The following CRNKL1 variants were observed in gnomAD, a reference collection of about 807,000 sequenced individuals.
CRNKL1 encodes the protein crooked neck pre-mRNA splicing factor 1, also known as crooked neck-like protein 1.
CRNKL1 carries 35 observed loss-of-function variants against 103.7 expected under a neutral mutation model. That is an observed-to-expected ratio of 0.34 (90% CI 0.26 to 0.45). The LOEUF (loss-of-function observed/expected upper bound fraction) is 0.45, where lower values mean the gene tolerates loss of function less well. Among genes scored for constraint, CRNKL1 ranks in the 20% least tolerant of loss-of-function variants. The pLI, the probability that CRNKL1 is intolerant of heterozygous loss-of-function variation, is 1.00. For synonymous variants in CRNKL1, 267 were observed against 282.6 expected (o/e 0.94, Z 0.55); for missense variants, 645 against 836.0 (o/e 0.77, Z 2.82).
chr20:20,046,070 T>C (rs66469477), intron 5 of CRNKL1, among the ~76,000 whole-genome samples: 23,889 of 152,136 alleles, frequency 0.16, 3,690 homozygotes, highest in East Asian at 0.6. Flanking sequence ...TTTTGAATTG[T>C]CATTTTAATC....
In CRNKL1 at chr20:20,034,561, C is replaced by G. The variant is rs2043388269; in HGVS notation, c.*1634G>C. On this transcript the variant is annotated 3_prime_UTR_variant, in exon 14 of 14. Transcript: ENST00000536226. ...ATTCATGCAACATAAACAGATAATT[C>G]TAGGAAGACTGTGATTAAGTCACTT... The G allele has an allele frequency of 6.6e-6, 1 of 150,690 alleles. No individual in the cohort carries two copies. The highest frequency in any genetic ancestry group is 2.4e-5 in the African/African-American group (1 of 41,198). The allele number at this position is 150,690 out of a possible 1,614,324, so 9.3% of individuals were successfully genotyped here. A position where few individuals can be genotyped will look rare whatever the true frequency, so the allele number is the denominator to read the frequency against.
intron 1 of CRNKL1, 25 bp downstream of exon 1, chr20:20,052,266 CT>C: frequency 1.3e-6 from 2 of 1,591,006 alleles, no homozygotes; most frequent in Non-Finnish European, 1.7e-6. Flanking sequence ...AGGCCACCTC[CT>C]ACAAGGCCCC....
At chr20:20,043,723 G>T in intron 6 of CRNKL1, 61 bp from the exon 7 acceptor site, 4 of 1,481,948 alleles carry the variant, frequency 2.7e-6, no homozygotes, top group Non-Finnish European at 3.7e-6. Context: ...GTCACAACTA[G>T]GAGAGTAAAT....
chr20:20,040,538 G>A, intron 10 of CRNKL1, 148 bp downstream of exon 10: 1 of 650,618 alleles, frequency 1.5e-6, no homozygotes. Context: ...TTTTACAGAG[G>A]ACGCATGTTT....
chr20:20,045,576 A>C, intron 5 of CRNKL1, 90 bp from the exon 6 acceptor site: 1 of 1,198,816 alleles, frequency 8.3e-7, no homozygotes, highest in Admixed American at 2.4e-5. Context: ...CAAAGCCTGG[A>C]AACTCCAAAA....
Position 20,036,216 on chromosome 20 carries a change from G to A in CRNKL1, c.2043C>T (p.Asp681=), listed in dbSNP as rs138573899. The change falls in exon 14 of 14, where the codon GAC becomes GAT. Residue 681 remains aspartate, a synonymous_variant. Coordinates refer to ENST00000536226, the MANE Select transcript of CRNKL1 (RefSeq NM_001278628.2). ...AAGATCAGGATTCACTCTCATCGAC[G>A]TCCTCATCTGGATGGTGCTCAGCAT... is the stretch of plus-strand genomic sequence containing the variant. ...KEDAEHHPDE[D]VDESES 1.2e-5 allele frequency: 20 copies of A among 1,613,900 alleles called. No homozygotes were observed. Among genetic ancestry groups the A allele is most frequent in the African/African-American group, 9.3e-5 (7 of 74,896 alleles).
Position 20,035,644 on chromosome 20 carries a change from A to G in CRNKL1, c.*551T>C, listed in dbSNP as rs1601138691. 6.6e-6 allele frequency: 1 copy of G among 152,306 alleles called. No homozygotes were observed. The highest frequency in any genetic ancestry group is 1.9e-4 in the East Asian group (1 of 5,194). The allele number at this position is 152,306 out of a possible 1,614,324, so 9.4% of individuals were successfully genotyped here. ...CGCATTCAATTCTACAAGGAATGAA[A>G]CCATTTTTAAAAGTGGCTTAGAACA... On this transcript the variant is annotated 3_prime_UTR_variant, in exon 14 of 14. Coordinates refer to ENST00000536226, the MANE Select transcript of CRNKL1 (RefSeq NM_001278628.2).
upstream of CRNKL1, chr20:20,052,578 G>T: frequency 6.2e-7 from 1 of 1,613,910 alleles, no homozygotes. Flanking sequence ...CGGCGTCCTG[G>T]AGCTGCGGAT....
At chr20:20,038,692 GT>G (rs2146483771) in intron 11 of CRNKL1, 1 of 362,322 alleles carries the variant, frequency 2.8e-6, no homozygotes, top group African/African-American at 2.1e-5. Context: ...CTCTTTGGAA[GT>G]TTTTCAAATG....
Position 20,039,628 on chromosome 20 carries a change from G to A in CRNKL1, c.1526C>T (p.Pro509Leu). 1 of 1,614,158 alleles carries A rather than the reference G, an allele frequency of 6.2e-7. No homozygotes were observed. Among genetic ancestry groups the A allele is most frequent in the East Asian group, 2.2e-5 (1 of 44,880 alleles). ...GCTCACCTCTGGCATGTCTAAACGTGGCTGACTGATGGCTAATTCATAGAT... is the reference window on the plus strand; with the variant it reads ...GCTCACCTCTGGCATGTCTAAACGTAGCTGACTGATGGCTAATTCATAGAT... Reference protein sequence around the residue: ...RAIYELAISQPRLDMPEVLWK... With the variant: ...RAIYELAISQLRLDMPEVLWK... The change falls in exon 11 of 14, where the codon CCA (proline) becomes CTA (leucine). Residue 509 changes from proline to leucine, a missense_variant. By Grantham distance (98) the Pro-to-Leu change is moderately conservative (BLOSUM62 -3). Around this residue, in one of 2 missense-constraint regions of CRNKL1, gnomAD observed 582 missense variants for 707.7 expected, o/e 0.82. Coordinates refer to ENST00000536226, the MANE Select transcript of CRNKL1 (RefSeq NM_001278628.2).
Position 20,035,839 on chromosome 20 carries a change from T to G in CRNKL1, c.*356A>C, listed in dbSNP as rs1259688397. The G allele has an allele frequency of 5.9e-6, 1 of 169,028 alleles. No individual in the cohort carries two copies. Among genetic ancestry groups the G allele is most frequent in the Non-Finnish European group, 1.3e-5 (1 of 78,728 alleles). 10.5% of individuals were successfully genotyped at this position (169,028 alleles called of 1,614,324 possible). ...GGAAATGAACTCAAGTCTGTGACTC[T>G]GAAGACATGAAAAAGTTACACATTT... On this transcript the variant is annotated 3_prime_UTR_variant, in exon 14 of 14. Transcript: ENST00000536226.
At chr20:20,037,177 C>G (rs984489100) in intron 13 of CRNKL1, 146 bp downstream of exon 13, 3 of 960,800 alleles carry the variant, frequency 3.1e-6, no homozygotes, top group East Asian at 2.4e-5. Flanking sequence ...GTTTCCATAA[C>G]AGCCAGATTG....
At chr20:20,039,458 A>G (rs1338200878) in intron 11 of CRNKL1, 151 bp downstream of exon 11, 1 of 904,514 alleles carries the variant, frequency 1.1e-6, no homozygotes, top group Non-Finnish European at 1.7e-6. Context: ...CCCCACAGCC[A>G]CCTTTCCACG....
chr20:20,043,769 C>G (rs2043552358), intron 6 of CRNKL1, 107 bp from the exon 7 acceptor site: 1 of 1,017,512 alleles, frequency 9.8e-7, no homozygotes, highest in Non-Finnish European at 1.4e-6. Context: ...GATTTTGAGG[C>G]CTCATAATAT....
At position 20,034,552 on chromosome 20, in the gene CRNKL1, CAG is replaced by C. The variant is rs1491585634; in HGVS notation, c.*1641_*1642del. 7 of 151,906 alleles carry C rather than the reference CAG, an allele frequency of 4.6e-5. No individual in the cohort carries two copies. Among genetic ancestry groups the C allele is most frequent in the African/African-American group, 1.5e-4 (6 of 41,374 alleles). 9.4% of individuals were successfully genotyped at this position (151,906 alleles called of 1,614,324 possible). On this transcript the variant is annotated 3_prime_UTR_variant, in exon 14 of 14. Coordinates refer to ENST00000536226, the MANE Select transcript of CRNKL1 (RefSeq NM_001278628.2). ...TTCTTATGCATTCATGCAACATAAACAGATAATTCTAGGAAGACTGTGATTAA... is the reference window on the plus strand; with the variant it reads ...TTCTTATGCATTCATGCAACATAAACATAATTCTAGGAAGACTGTGATTAA...
At chr20:20,055,826 TCA>T, upstream of CRNKL1, 3 of 720,258 alleles carry the variant, frequency 4.2e-6, no homozygotes, top group African/African-American at 1.8e-5. Flanking sequence ...TGTTTTGAGC[TCA>T]CTGGCTAGTA....
In CRNKL1 at chr20:20,050,435, C is replaced by CAATTAGTG. The variant is rs548090986; in HGVS notation, c.204+27_204+34dup. On this transcript the variant is annotated intron_variant, in intron 2 of 13. Coordinates refer to ENST00000536226, the MANE Select transcript of CRNKL1 (RefSeq NM_001278628.2). Reference sequence around the variant, plus strand: ...TTCAAACTGACCGATACAGTCTTAACAATTAGTGGACTGAAAGATACCACA... The same window carrying CAATTAGTG: ...TTCAAACTGACCGATACAGTCTTAACAATTAGTGAATTAGTGGACTGAAAGATACCACA... 442 of 1,595,612 alleles carry CAATTAGTG rather than the reference C, an allele frequency of 2.8e-4. 1 individual carries two copies. The African/African-American group carries it at 5.3e-3, about 19-fold the overall frequency.
intron 9 of CRNKL1, 87 bp from the exon 10 acceptor site, chr20:20,040,853 A>T: frequency 1.1e-6 from 1 of 919,054 alleles, no homozygotes; most frequent in Non-Finnish European, 1.7e-6. Context: ...AACCAAAGCC[A>T]TTGGTAATTC....
chr20:20,041,941 T>C (rs1349765218), intron 8 of CRNKL1, among the ~76,000 whole-genome samples: 3 of 152,250 alleles, frequency 2.0e-5, no homozygotes, highest in Non-Finnish European at 4.4e-5. Context: ...AAATGATTTC[T>C]GAAAATGCCA....
Sources: gnomAD v4.1 joint callset for allele counts (sites outside exome capture counted in the v4.1 genomes callset) on GRCh38, gnomAD v4.1.1 for gene constraint, gnomAD v4.1.1 regional missense constraint, MANE v1.5 for transcripts, NCBI Gene and HGNC (gene_info 2026-07-23, HGNC 2026-07-21) for gene names.